The following ERCC6 variants were observed in gnomAD, a reference collection of about 807,000 sequenced individuals.
The protein encoded by ERCC6 is DNA excision repair protein ERCC-6.
A neutral mutation model predicts 158.7 loss-of-function variants in ERCC6; 116 were observed. The ratio of observed to expected loss-of-function variants is 0.73; its 90% CI spans 0.63 to 0.85. The LOEUF is 0.85. Ranked by LOEUF, ERCC6 falls within the 40% of genes least tolerant of loss-of-function variation. The pLI is 0.00. For synonymous variants in ERCC6, 678 were observed against 659.3 expected (o/e 1.03, Z -0.43); for missense variants, 1,698 against 1,799.4 (o/e 0.94, Z 1.02).
At chr10:49,538,276 CA>C (rs1837650129) in intron 1 of ERCC6, among the ~76,000 whole-genome samples, 1 of 152,178 alleles carries the variant, frequency 6.6e-6, no homozygotes, top group South Asian at 2.1e-4. Context: ...AGGCAAGGGC[CA>C]AATCACACAA....
chr10:49,460,514 A>G, intron 19 of ERCC6, 63 bp from the exon 20 acceptor site: 1 of 1,128,578 alleles, frequency 8.9e-7, no homozygotes, highest in Admixed American at 1.7e-5. Context: ...AGATCAAAAT[A>G]TTCTTTCAAC....
At chr10:49,463,354 GT>G (rs754527970) in intron 18 of ERCC6, among the ~76,000 whole-genome samples, 2 of 152,120 alleles carry the variant, frequency 1.3e-5, no homozygotes, top group Non-Finnish European at 2.9e-5. Flanking sequence ...TGCACAAAAA[GT>G]TTTGGATTTT....
intron 5 of ERCC6, among the ~76,000 whole-genome samples, chr10:49,523,035 C>T (rs1160904703): frequency 1.3e-5 from 2 of 152,090 alleles, no homozygotes; most frequent in East Asian, 3.8e-4. Context: ...ATGAGCAGTT[C>T]TAAGTAACAA....
chr10:49,532,648 T>G lies in ERCC6; in HGVS notation c.317A>C (p.Glu106Ala), dbSNP rs767700053. The part of the protein sequence containing the change: ...GVDVYDQDVL[E>A]QGVLQQVDNA... ...GTCCACCTGCTGAAGCACTCCCTGT[T>G]CCAGCACGTCCTGGTCATAGACGTC... is the stretch of plus-strand genomic sequence containing the variant. The change falls in exon 2 of 21, where the codon GAA (glutamate) becomes GCA (alanine). Residue 106 changes from glutamate to alanine, a missense_variant. Transcript: ENST00000355832. 3.7e-6 allele frequency: 6 copies of G among 1,614,182 alleles called. No individual in the cohort carries two copies. The highest frequency in any genetic ancestry group is 3.4e-6 in the Non-Finnish European group (4 of 1,180,034).
At chr10:49,462,493 T>C (rs1850600812) in intron 18 of ERCC6, among the ~76,000 whole-genome samples, 1 of 149,638 alleles carries the variant, frequency 6.7e-6, no homozygotes, top group Non-Finnish European at 1.5e-5. Context: ...GACTGACAAT[T>C]TTTTTAAAAA....
chr10:49,480,928 GGAGACTA>G (rs1373475914), intron 10 of ERCC6, among the ~76,000 whole-genome samples: 1 of 152,204 alleles, frequency 6.6e-6, no homozygotes, highest in African/African-American at 2.4e-5. Flanking sequence ...CCAGATTAAA[GGAGACTA>G]GAGACACGGA....
chr10:49,519,818 G>A (rs1205223415), intron 5 of ERCC6, among the ~76,000 whole-genome samples: 1 of 152,232 alleles, frequency 6.6e-6, no homozygotes, highest in East Asian at 1.9e-4. Flanking sequence ...GGACCATGAA[G>A]AATGTCACCA....
chr10:49,472,552 C>T (rs1396345083), intron 15 of ERCC6, 82 bp from the exon 16 acceptor site: 1 of 1,351,434 alleles, frequency 7.4e-7, no homozygotes, highest in African/African-American at 1.4e-5. Context: ...GCTAGCTGGT[C>T]ACTACCTGTC....
At chr10:49,451,633 A>G (rs1181597331), downstream of ERCC6, among the ~76,000 whole-genome samples, 2 of 152,172 alleles carry the variant, frequency 1.3e-5, no homozygotes, top group Non-Finnish European at 2.9e-5. Flanking sequence ...GTGATGGTGC[A>G]TAATTATTTT....
chr10:49,512,776 C>A (rs1836844304), intron 5 of ERCC6, among the ~76,000 whole-genome samples: 1 of 152,170 alleles, frequency 6.6e-6, no homozygotes, highest in African/African-American at 2.4e-5. Context: ...TAATTTTATA[C>A]AATATTTTGT....
chr10:49,470,518 C>T lies in ERCC6; in HGVS notation c.3442G>A (p.Asp1148Asn), dbSNP rs1850757369. ...TTGTAAGAAAGACCTAACTTTTCAT[C>T]AATGCTTTCATCACCAGATGGCATA... ...TSMPSGDESI[D>N]EKLGLSYKRE... The change falls in exon 18 of 21, where the codon GAT becomes AAT. Residue 1148 changes from aspartate (D) to asparagine (N), a missense_variant. Physicochemically the swap from Asp to Asn is conservative, Grantham distance 23. Transcript: ENST00000355832. The T allele has an allele frequency of 6.2e-7, 1 of 1,614,076 alleles. No individual in the cohort carries two copies. Among genetic ancestry groups the T allele is most frequent in the South Asian group, 1.1e-5 (1 of 91,092 alleles).
At chr10:49,515,135 C>T (rs945366500) in intron 5 of ERCC6, 7 of 1,257,544 alleles carry the variant, frequency 5.6e-6, no homozygotes, top group Non-Finnish European at 6.1e-6. Flanking sequence ...TCTGAGGTTA[C>T]AATTTTTTGA....
intron 18 of ERCC6, among the ~76,000 whole-genome samples, chr10:49,466,003 C>A (rs1038860966): frequency 1.3e-5 from 2 of 152,096 alleles, no homozygotes; most frequent in African/African-American, 4.8e-5. Flanking sequence ...CATATTTTGT[C>A]TTTTGTTACT....
At chr10:49,472,263 T>C in intron 16 of ERCC6, 113 bp downstream of exon 16, 1 of 952,512 alleles carries the variant, frequency 1.0e-6, no homozygotes, top group South Asian at 1.3e-5. Flanking sequence ...AGCCTTAAGT[T>C]ATAGCAACTA....
In ERCC6 at chr10:49,467,281, C is replaced by T. The variant is rs374960223; in HGVS notation, c.3778+2901G>A. Among the ~76,000 whole-genome samples, 19 of 152,268 alleles carry T rather than the reference C, an allele frequency of 1.2e-4. 1 individual carries two copies. Among genetic ancestry groups the T allele is most frequent in the African/African-American group, 4.1e-4 (17 of 41,546 alleles). ...TGAAAAAGCTATATCACAAGGAAAG[C>T]GCATGCAACTGCCAAACTGTTTTCC... On this transcript the variant is annotated intron_variant, in intron 18 of 20. Transcript: ENST00000355832.
chr10:49,461,318 C>G (rs536724304), intron 19 of ERCC6, 34 bp downstream of exon 19: 2 of 1,598,420 alleles, frequency 1.3e-6, no homozygotes, highest in South Asian at 1.1e-5. Flanking sequence ...GTTGTTTGGA[C>G]TCCTTGCAAG....
At chr10:49,460,573 C>T (rs991740747) in intron 19 of ERCC6, 122 bp from the exon 20 acceptor site, 1 of 742,314 alleles carries the variant, frequency 1.3e-6, no homozygotes. Flanking sequence ...TATTCTTTCA[C>T]AGCCATGCCA....
Position 49,528,400 on chromosome 10 carries a change from G to T in ERCC6, c.652+17C>A, listed in dbSNP as rs755390240. 1 of 1,613,668 alleles carries T rather than the reference G, an allele frequency of 6.2e-7. No individual in the cohort carries two copies. The highest frequency in any genetic ancestry group is 1.3e-5 in the African/African-American group (1 of 74,922). On this transcript the variant is annotated intron_variant, in intron 4 of 20. Coordinates refer to ENST00000355832, the MANE Select transcript of ERCC6 (RefSeq NM_000124.4). ...ATCAATTCAAGAACACAGAGAAACT[G>T]CTCCTAGCATCCTCACCTGCATCCT...
At chr10:49,508,871 C>T (rs1262176182) in intron 5 of ERCC6, among the ~76,000 whole-genome samples, 2 of 152,108 alleles carry the variant, frequency 1.3e-5, no homozygotes, top group Non-Finnish European at 2.9e-5. Flanking sequence ...TACACAGAAA[C>T]GTGCCTTCCT....
Sources: gnomAD v4.1 joint callset for allele counts (sites outside exome capture counted in the v4.1 genomes callset) on GRCh38, gnomAD v4.1.1 for gene constraint, MANE v1.5 for transcripts, NCBI Gene and HGNC (gene_info 2026-07-23, HGNC 2026-07-21) for gene names.